Variants in AGGF1 observed in about 807,000 individuals in gnomAD.
AGGF1 encodes the protein angiogenic factor with G patch and FHA domains 1.
Under a neutral mutation model 86.5 loss-of-function variants are expected in AGGF1, and 56 were observed. The observed-to-expected ratio is 0.65, with a 90% CI of 0.52 to 0.81. The LOEUF (loss-of-function observed/expected upper bound fraction) is 0.81, where lower values mean the gene tolerates loss of function less well. AGGF1 is among the 30% of genes least tolerant of loss of function. AGGF1 has a pLI of 0.00. For missense variants in AGGF1, 816 were observed against 850.9 expected (o/e 0.96, Z 0.51); for synonymous variants, 313 against 297.1 (o/e 1.05, Z -0.55).
chr5:77,060,099 C>T (rs1747530967), intron 12 of AGGF1, among the ~76,000 whole-genome samples: 1 of 152,200 alleles, frequency 6.6e-6, no homozygotes, highest in Non-Finnish European at 1.5e-5. Context: ...ACCTTGGCCT[C>T]CCAAAGTGTT....
intron 12 of AGGF1, among the ~76,000 whole-genome samples, chr5:77,060,069 C>G (rs1747530152): frequency 6.6e-6 from 1 of 152,204 alleles, no homozygotes; most frequent in Non-Finnish European, 1.5e-5. Context: ...GTCTTGAACT[C>G]CTGACCTCAT....
In AGGF1 at chr5:77,031,201, CTT is replaced by C. The variant is rs1338037595; in HGVS notation, c.210+226_210+227del. 2.0e-5 allele frequency among the ~76,000 whole-genome samples: 3 copies of C among 152,248 alleles called. No individual in the cohort carries two copies. The East Asian group carries it at 5.8e-4, about 29-fold the overall frequency. On this transcript the variant is annotated intron_variant, in intron 1 of 13. Coordinates refer to ENST00000312916, the MANE Select transcript of AGGF1 (RefSeq NM_018046.5). ...TGTCTCGCGGCTGGCGTGAATTGAA[CTT>C]AAGTACTGTGGCTACATTGTCTTCA...
intron 11 of AGGF1, among the ~76,000 whole-genome samples, chr5:77,056,704 T>C (rs1363869983): frequency 1.3e-5 from 2 of 152,136 alleles, no homozygotes; most frequent in Non-Finnish European, 2.9e-5. Flanking sequence ...AAACTTTTTT[T>C]TTAAAGGCAA....
intron 4 of AGGF1, 80 bp from the exon 5 acceptor site, chr5:77,039,451 C>T: frequency 9.6e-7 from 1 of 1,044,366 alleles, no homozygotes; most frequent in Non-Finnish European, 1.4e-6. Context: ...ATATTTACCA[C>T]ATTTGAATGT....
chr5:77,037,605 C>CT (rs1746989465), intron 4 of AGGF1, among the ~76,000 whole-genome samples: 1 of 152,080 alleles, frequency 6.6e-6, no homozygotes, highest in Non-Finnish European at 1.5e-5. Context: ...CAGTGAGACT[C>CT]TTTCTATAAA....
At chr5:77,049,046 A>G in intron 8 of AGGF1, 59 bp downstream of exon 8, 2 of 1,529,776 alleles carry the variant, frequency 1.3e-6, no homozygotes, top group Non-Finnish European at 1.8e-6. Context: ...TATTATTATT[A>G]CAGTAGAAAG....
At chr5:77,032,563 C>CAAAA (rs4025997) in intron 1 of AGGF1, among the ~76,000 whole-genome samples, 9 of 94,156 alleles carry the variant, frequency 9.6e-5, no homozygotes, top group African/African-American at 1.3e-4. Context: ...GACTCCGTCT[C>CAAAA]AAAAAAAAAA....
intron 6 of AGGF1, 46 bp downstream of exon 6, chr5:77,046,723 T>C (rs760531433): frequency 6.5e-7 from 1 of 1,541,654 alleles, no homozygotes; most frequent in South Asian, 1.1e-5. Context: ...GTCTGGTAAC[T>C]ATAAAAGAGC....
In AGGF1 at chr5:77,054,061, A is replaced by G; in HGVS notation, c.1564A>G (p.Thr522Ala). ...LSFHIHPGSD[T>A]CDGCEPGQVR... ...CTTTCACATTCATCCTGGCAGTGAT[A>G]CCTGTGATGGCTGTGAACCAGGGCA... is the stretch of plus-strand genomic sequence containing the variant. Residue 522 changes from threonine (T) to alanine (A), a missense_variant, in exon 10 of 14, where the codon ACC becomes GCC. By Grantham distance (58) the Thr-to-Ala change is moderately conservative. Around this residue, in one of 3 missense-constraint regions of AGGF1, gnomAD observed 565 missense variants for 585.8 expected, o/e 0.96. Coordinates refer to ENST00000312916, the MANE Select transcript of AGGF1 (RefSeq NM_018046.5). 5 of 1,614,144 alleles carry G rather than the reference A, an allele frequency of 3.1e-6. No homozygotes were observed. Among genetic ancestry groups the G allele is most frequent in the Non-Finnish European group, 4.2e-6 (5 of 1,180,008 alleles).
intron 6 of AGGF1, among the ~76,000 whole-genome samples, chr5:77,047,470 G>A (rs1747290147): frequency 6.6e-6 from 1 of 152,198 alleles, no homozygotes; most frequent in South Asian, 2.1e-4. Context: ...AGGGCCAACT[G>A]TGTAGTATAT....
intron 8 of AGGF1, 147 bp downstream of exon 8, chr5:77,049,134 A>C: frequency 1.5e-6 from 1 of 682,460 alleles, no homozygotes. Context: ...AGATCTGTTT[A>C]TTCCAGTGCT....
intron 4 of AGGF1, among the ~76,000 whole-genome samples, chr5:77,037,114 A>G (rs186700716): frequency 6.6e-6 from 1 of 152,350 alleles, no homozygotes; most frequent in East Asian, 1.9e-4. Context: ...ATAGCTTATG[A>G]TGCTACACTT....
Position 77,063,233 on chromosome 5 carries a change from TA to T in AGGF1, c.2130del (p.Thr712LeufsTer2). ...QKDDPGTMPW[V>X]KGTLE The stretch of plus-strand genomic sequence containing the variant: ...GATGACCCAGGGACCATGCCTTGGG[TA>T]AAAGGGACTTTAGAGTGAAGGCTAA... On this transcript the variant is annotated frameshift_variant, in exon 14 of 14. Transcript: ENST00000312916. LOFTEE classifies it high-confidence loss of function. The T allele has an allele frequency of 1.2e-6, 2 of 1,613,602 alleles. No individual in the cohort carries two copies. The highest frequency in any genetic ancestry group is 2.2e-5 in the East Asian group (1 of 44,858).
At chr5:77,047,243 C>T (rs1401521193) in intron 6 of AGGF1, among the ~76,000 whole-genome samples, 1 of 152,108 alleles carries the variant, frequency 6.6e-6, no homozygotes, top group East Asian at 1.9e-4. Context: ...TGAACATGTA[C>T]ACACTTTTTT....
Position 77,046,479 on chromosome 5 carries a change from G to A in AGGF1, c.1003G>A (p.Val335Ile), listed in dbSNP as rs769340755. 6.2e-7 allele frequency: 1 copy of A among 1,614,044 alleles called. No individual in the cohort carries two copies. Among genetic ancestry groups the A allele is most frequent in the Non-Finnish European group, 8.5e-7 (1 of 1,179,966 alleles). ...CAAAAATAGTCCCCCCAAAGTCACT[G>A]TTCCAACTAGTGGAAATACTATAGA... ...HHKNSPPKVT[V>I]PTSGNTIESP... The change falls in exon 6 of 14, where the codon GTT becomes ATT. Residue 335 changes from valine to isoleucine, a missense_variant. By Grantham distance (29) the Val-to-Ile change is conservative. Coordinates refer to ENST00000312916, the MANE Select transcript of AGGF1 (RefSeq NM_018046.5).
At chr5:77,036,184 G>A (rs1422723732) in intron 3 of AGGF1, 1 of 267,612 alleles carries the variant, frequency 3.7e-6, no homozygotes, top group Non-Finnish European at 7.2e-6. Context: ...TTAATCTACA[G>A]TTTTCTCCTT....
chr5:77,059,783 C>T (rs1747521489), intron 12 of AGGF1, 40 bp downstream of exon 12: 1 of 1,609,844 alleles, frequency 6.2e-7, no homozygotes, highest in Non-Finnish European at 8.5e-7. Context: ...ATCCTTTGTT[C>T]ATAATAACAT....
chr5:77,060,256 A>C (rs1172397736), intron 12 of AGGF1, among the ~76,000 whole-genome samples: 1 of 152,216 alleles, frequency 6.6e-6, no homozygotes, highest in Non-Finnish European at 1.5e-5. Context: ...GAGCAAATAC[A>C]TGAGCACCTG....
chr5:77,039,780 A>C, intron 5 of AGGF1, 61 bp downstream of exon 5: 1 of 1,436,414 alleles, frequency 7.0e-7, no homozygotes, highest in Non-Finnish European at 9.6e-7. Flanking sequence ...TTAAGACAAA[A>C]TTTTTTATGA....
Sources: allele counts gnomAD v4.1 joint callset (sites outside exome capture counted in the v4.1 genomes callset), GRCh38; gene constraint gnomAD v4.1.1; regional missense constraint gnomAD v4.1.1; transcripts MANE v1.5; gene names NCBI Gene and HGNC (gene_info 2026-07-23, HGNC 2026-07-21).